The following SAMD4B variants were observed in gnomAD, a reference collection of about 807,000 sequenced individuals.
SAMD4B encodes the protein sterile alpha motif domain containing 4B, also known as protein Smaug homolog 2.
SAMD4B carries 5 observed loss-of-function variants against 74.5 expected under a neutral mutation model. The observed-to-expected ratio is 0.07, with a 90% CI of 0.04 to 0.14. The LOEUF is 0.14. SAMD4B is among the 10% of genes least tolerant of loss of function. The pLI is 1.00. For synonymous variants in SAMD4B, 373 were observed against 374.9 expected (o/e 1.00, Z 0.06); for missense variants, 608 against 921.8 (o/e 0.66, Z 4.41).
intron 4 of SAMD4B, among the ~76,000 whole-genome samples, chr19:39,370,929 A>G (rs2077257938): frequency 6.6e-6 from 1 of 152,228 alleles, no homozygotes; most frequent in African/African-American, 2.4e-5. Flanking sequence ...CAAGTGGTGG[A>G]ACAGACCCAA....
rs1348331741 is a variant in SAMD4B, at chr19:39,377,586, T to G, written c.1206T>G (p.Ala402=). ...ACAGTGTCCTCCAGGCCACCGTGGC[T>G]GCCGCCACCACCACCCCTACTGCCA... ...KAYSVLQATV[A]AATTTPTAKD... is the part of the protein sequence containing the mutation. The change falls in exon 8 of 14, where the codon GCT becomes GCG. Residue 402 remains alanine (A), a synonymous_variant. Transcript: ENST00000610417. 21 of 1,613,926 alleles carry G rather than the reference T, an allele frequency of 1.3e-5. No homozygotes were observed. The highest frequency in any genetic ancestry group is 1.8e-5 in the Non-Finnish European group (21 of 1,179,868).
chr19:39,350,293 C>A (rs2075959228), intron 1 of SAMD4B: 1 of 152,130 alleles, frequency 6.6e-6, no homozygotes. Flanking sequence ...TTGTCATAGT[C>A]AATACAGCAA....
At chr19:39,360,907 C>T (rs78083401) in intron 3 of SAMD4B, among the ~76,000 whole-genome samples, 9,075 of 152,196 alleles carry the variant, frequency 0.06, 436 homozygotes, top group African/African-American at 0.13. Flanking sequence ...CCAGGTTCTT[C>T]TGCTCACCAG....
intron 3 of SAMD4B, among the ~76,000 whole-genome samples, chr19:39,363,967 G>A (rs1435303616): frequency 6.6e-6 from 1 of 152,100 alleles, no homozygotes; most frequent in East Asian, 1.9e-4. Context: ...CACCCCAAGG[G>A]GCCTGAGGCT....
chr19:39,386,865 C>A, downstream of SAMD4B: 1 of 1,082,046 alleles, frequency 9.2e-7, no homozygotes, highest in South Asian at 1.2e-5. The surrounding 1 kb of genome is among the most constrained non-coding windows in gnomAD (Gnocchi z 6.1). Flanking sequence ...CCCACTTCCC[C>A]GCCCCCCAGT....
At chr19:39,390,561 A>G (rs1257994099), downstream of SAMD4B, among the ~76,000 whole-genome samples, 3 of 152,156 alleles carry the variant, frequency 2.0e-5, no homozygotes, top group African/African-American at 4.8e-5. Context: ...AGAACCATGT[A>G]CTCAATCGTC....
chr19:39,378,695 CAGG>C lies in SAMD4B; in HGVS notation c.1530+109_1530+111del. 3.5e-6 allele frequency: 3 copies of C among 856,508 alleles called. No individual in the cohort carries two copies. Among genetic ancestry groups the C allele is most frequent in the Admixed American group, 2.2e-5 (1 of 46,436 alleles). 53.1% of individuals were successfully genotyped at this position (856,508 alleles called of 1,614,324 possible). On this transcript the variant is annotated intron_variant, in intron 9 of 13. Transcript: ENST00000610417. The surrounding 1 kb of genome is among the most constrained non-coding windows in gnomAD (Gnocchi z 4.4). ...CACCGAGGCGGGCGGATCATGAGGT[CAGG>C]AGATCGAGACCATCCTGGCTAACAC... is the stretch of plus-strand genomic sequence containing the variant.
intron 3 of SAMD4B, among the ~76,000 whole-genome samples, chr19:39,363,369 A>T (rs16973350): frequency 0.06 from 9,106 of 151,996 alleles, 443 homozygotes; most frequent in African/African-American, 0.13. Context: ...TGCTTGTTGT[A>T]CTTCTAGCTC....
intron 3 of SAMD4B, among the ~76,000 whole-genome samples, chr19:39,363,852 T>G (rs1480735223): frequency 1.3e-5 from 2 of 152,176 alleles, no homozygotes; most frequent in African/African-American, 4.8e-5. Flanking sequence ...GTGCAGGTAT[T>G]CGTTGGGCCT....
In SAMD4B at chr19:39,375,708, A is replaced by T; in HGVS notation, c.726A>T (p.Thr242=). Residue 242 remains threonine, a synonymous_variant, in exon 5 of 14, where the codon ACA becomes ACT. Transcript: ENST00000610417. This position sits in a 1 kb window ranked among gnomAD's most constrained non-coding sequence, Gnocchi z 4.1. Reference sequence around the variant, plus strand: ...AGCGCTCCATGTCACTCATCCCTACAAGCCCCCAGGTCCCTGGTGAGTGGC... The same window carrying T: ...AGCGCTCCATGTCACTCATCCCTACTAGCCCCCAGGTCCCTGGTGAGTGGC... The part of the protein sequence containing the change: ...PLKRSMSLIP[T]SPQVPGEWPS... 5.0e-6 allele frequency: 8 copies of T among 1,613,876 alleles called. No individual in the cohort carries two copies. The highest frequency in any genetic ancestry group is 6.8e-6 in the Non-Finnish European group (8 of 1,179,912).
At chr19:39,386,118 C>A (rs1375773378), downstream of SAMD4B, 4 of 1,613,958 alleles carry the variant, frequency 2.5e-6, no homozygotes, top group Non-Finnish European at 3.4e-6. This position sits in a 1 kb window ranked among gnomAD's most constrained non-coding sequence, Gnocchi z 6.1. Context: ...GCTCCGCTGG[C>A]CACCCCCATT....
At chr19:39,363,739 C>G (rs925457805) in intron 3 of SAMD4B, among the ~76,000 whole-genome samples, 2 of 152,192 alleles carry the variant, frequency 1.3e-5, no homozygotes, top group Non-Finnish European at 2.9e-5. Flanking sequence ...GATTTTGAAT[C>G]CAGCAAGTTT....
At chr19:39,374,277 A>G (rs952624167) in intron 4 of SAMD4B, among the ~76,000 whole-genome samples, 1 of 151,980 alleles carries the variant, frequency 6.6e-6, no homozygotes, top group Non-Finnish European at 1.5e-5. Context: ...AAAAAAAATC[A>G]AGTTGGATTC....
chr19:39,385,273 G>C lies in SAMD4B; in HGVS notation c.*1746G>C. 1 of 329,414 alleles carries C rather than the reference G, an allele frequency of 3.0e-6. No homozygotes were observed. Among genetic ancestry groups the C allele is most frequent in the African/African-American group, 2.1e-5 (1 of 46,814 alleles). The allele number at this position is 329,414 out of a possible 1,614,324, so 20.4% of individuals were successfully genotyped here. On this transcript the variant is annotated 3_prime_UTR_variant, in exon 14 of 14. Transcript: ENST00000610417. Reference sequence around the variant, plus strand: ...GGAAGTGGGATGGATGGGCCACCTCGTTTGGAATCAGCAGGGTGTCCCTCT... The same window carrying C: ...GGAAGTGGGATGGATGGGCCACCTCCTTTGGAATCAGCAGGGTGTCCCTCT...
At chr19:39,380,349 C>G (rs2077886473) in intron 10 of SAMD4B, among the ~76,000 whole-genome samples, 1 of 152,204 alleles carries the variant, frequency 6.6e-6, no homozygotes, top group Non-Finnish European at 1.5e-5. Flanking sequence ...AGACAAATAA[C>G]AGAAATGTCT....
chr19:39,361,654 TGGC>T (rs1231024579), intron 3 of SAMD4B, among the ~76,000 whole-genome samples: 1 of 149,184 alleles, frequency 6.7e-6, no homozygotes. Flanking sequence ...CCGGGCGCGG[TGGC>T]TCACGCCTGT....
In SAMD4B at chr19:39,381,006, A is replaced by T; in HGVS notation, c.1865A>T (p.Asn622Ile). Residue 622 changes from asparagine to isoleucine, a missense_variant, in exon 12 of 14, where the codon AAC becomes ATC. Asn to Ile is a moderately radical substitution (Grantham distance 149, BLOSUM62 -3). Around this residue, in one of 9 missense-constraint regions of SAMD4B, gnomAD observed 167 missense variants for 193.0 expected, o/e 0.87. Coordinates refer to ENST00000610417, the MANE Select transcript of SAMD4B (RefSeq NM_001384574.2). ...CCTGTGTAGAACCTGTGGTTTGCCA[A>T]CCCTGGAGGCAGCAACAGCATGCCC... ...GQGRQNLWFANPGGSNSMPSQ... is the reference protein window; with the variant it reads ...GQGRQNLWFAIPGGSNSMPSQ... 1.2e-6 allele frequency: 2 copies of T among 1,610,160 alleles called. No individual in the cohort carries two copies. The highest frequency in any genetic ancestry group is 1.7e-4 in the Middle Eastern group (1 of 6,048).
intron 1 of SAMD4B, among the ~76,000 whole-genome samples, chr19:39,353,017 C>G (rs1440240881): frequency 6.6e-6 from 1 of 152,200 alleles, no homozygotes; most frequent in African/African-American, 2.4e-5. Flanking sequence ...TTGACCACTT[C>G]CAGCAGCCAG....
chr19:39,377,076 T>C (rs2077644521), intron 7 of SAMD4B, among the ~76,000 whole-genome samples: 1 of 152,214 alleles, frequency 6.6e-6, no homozygotes, highest in African/African-American at 2.4e-5. Context: ...TACTGGTCTT[T>C]CTGGTAGAGC....
Sources: allele counts gnomAD v4.1 joint callset (sites outside exome capture counted in the v4.1 genomes callset), GRCh38; gene constraint gnomAD v4.1.1; regional missense constraint gnomAD v4.1.1; non-coding constraint Gnocchi (gnomAD v3.1); transcripts MANE v1.5; gene names NCBI Gene and HGNC (gene_info 2026-07-23, HGNC 2026-07-21).